OXSR1: variants seen among roughly 807,000 people sequenced by gnomAD.
The protein encoded by OXSR1 is oxidative stress responsive kinase 1, also known as serine/threonine-protein kinase OSR1.
Under a neutral mutation model 79.8 loss-of-function variants are expected in OXSR1, and 24 were observed. That is an observed-to-expected ratio of 0.30 (90% CI 0.22 to 0.42). The LOEUF (loss-of-function observed/expected upper bound fraction) is 0.42. Among genes scored for constraint, OXSR1 ranks in the 10% least tolerant of loss-of-function variants. The pLI, the probability that OXSR1 is intolerant of heterozygous loss-of-function variation, is 1.00. For synonymous variants in OXSR1, 226 were observed against 209.2 expected (o/e 1.08, Z -0.69); for missense variants, 430 against 618.4 (o/e 0.70, Z 3.23).
At chr3:38,234,314 A>G (rs555975300) in intron 10 of OXSR1, among the ~76,000 whole-genome samples, 4 of 152,340 alleles carry the variant, frequency 2.6e-5, no homozygotes, top group Admixed American at 6.5e-5. Context: ...TGAAAAGACA[A>G]CCTACAGAAT....
At chr3:38,186,380 A>G (rs897737027) in intron 2 of OXSR1, among the ~76,000 whole-genome samples, 2 of 152,270 alleles carry the variant, frequency 1.3e-5, no homozygotes, top group Non-Finnish European at 2.9e-5. Flanking sequence ...ATATAATGCT[A>G]TGGTTTTTAG....
At chr3:38,205,558 G>A (rs895114216) in intron 4 of OXSR1, among the ~76,000 whole-genome samples, 1 of 152,236 alleles carries the variant, frequency 6.6e-6, no homozygotes, top group Middle Eastern at 3.4e-3. Flanking sequence ...GAATATGTTC[G>A]TCTCTATCTA....
chr3:38,193,555 T>C, intron 3 of OXSR1: 1 of 444,326 alleles, frequency 2.3e-6, no homozygotes, highest in Non-Finnish European at 4.1e-6. Context: ...GTCTGCTTAA[T>C]TCTCTCGTCC....
At chr3:38,230,572 TC>T in intron 10 of OXSR1, 142 bp downstream of exon 10, 2 of 622,252 alleles carry the variant, frequency 3.2e-6, no homozygotes, top group Non-Finnish European at 5.8e-6. Context: ...TTTGATACAT[TC>T]ATTCAGCAAA....
At chr3:38,220,162 G>A (rs2125834933) in intron 5 of OXSR1, among the ~76,000 whole-genome samples, 1 of 151,788 alleles carries the variant, frequency 6.6e-6, no homozygotes, top group East Asian at 1.9e-4. Context: ...CAAGATTATT[G>A]TTTTTAAAAC....
At chr3:38,251,951 G>A (rs1703267148) in intron 16 of OXSR1, among the ~76,000 whole-genome samples, 1 of 152,202 alleles carries the variant, frequency 6.6e-6, no homozygotes, top group Non-Finnish European at 1.5e-5. Context: ...AGGCCTTGCG[G>A]GCCATGTACA....
intron 3 of OXSR1, among the ~76,000 whole-genome samples, chr3:38,191,907 T>C (rs1297749744): frequency 6.6e-6 from 1 of 152,228 alleles, no homozygotes; most frequent in Admixed American, 6.5e-5. Context: ...ATTTATAAAC[T>C]GACATCCTTC....
intron 4 of OXSR1, among the ~76,000 whole-genome samples, chr3:38,207,915 C>T (rs1490131674): frequency 1.8e-5 from 2 of 111,026 alleles, no homozygotes; most frequent in Non-Finnish European, 3.6e-5. Context: ...CCTCCCCCTC[C>T]CCTCCCCTCC....
Position 38,221,528 on chromosome 3 carries a change from T to G in OXSR1, c.491-50T>G, listed in dbSNP as rs112532108. The G allele has an allele frequency of 1.5e-5, 14 of 949,306 alleles. No individual in the cohort carries two copies. In the African/African-American group the frequency reaches 2.1e-4, roughly 14 times the overall value. The allele number at this position is 949,306 out of a possible 1,614,324, so 58.8% of individuals were successfully genotyped here. A position where few individuals can be genotyped will look rare whatever the true frequency, so the allele number is the denominator to read the frequency against. On this transcript the variant is annotated intron_variant, in intron 5 of 17. Coordinates refer to ENST00000311806, the MANE Select transcript of OXSR1 (RefSeq NM_005109.3). Reference sequence around the variant, plus strand: ...TACATTGTATTGTTTTCCTATTCATTTATGATAGTTGATGCACTTTAAATA... The same window carrying G: ...TACATTGTATTGTTTTCCTATTCATGTATGATAGTTGATGCACTTTAAATA...
chr3:38,202,381 A>G (rs1702180877), intron 4 of OXSR1, among the ~76,000 whole-genome samples: 1 of 152,150 alleles, frequency 6.6e-6, no homozygotes, highest in African/African-American at 2.4e-5. Context: ...TTGAAGGGAA[A>G]TGACTTTTTT....
chr3:38,251,585 C>A, intron 16 of OXSR1, 114 bp downstream of exon 16: 1 of 783,078 alleles, frequency 1.3e-6, no homozygotes. Flanking sequence ...TGAAATGGTT[C>A]TTGGCTTTCC....
intron 1 of OXSR1, among the ~76,000 whole-genome samples, chr3:38,171,889 T>A (rs1335474997): frequency 1.3e-5 from 2 of 152,240 alleles, no homozygotes; most frequent in Admixed American, 1.3e-4. Context: ...GCTTTGGGGT[T>A]AGACTGACCC....
At chr3:38,184,867 G>T (rs1435477492) in intron 2 of OXSR1, among the ~76,000 whole-genome samples, 1 of 90,192 alleles carries the variant, frequency 1.1e-5, no homozygotes, top group Non-Finnish European at 2.2e-5. Flanking sequence ...CTAACAAAAT[G>T]ATTATAATCT....
intron 3 of OXSR1, among the ~76,000 whole-genome samples, chr3:38,192,214 T>TC (rs1290649465): frequency 1.3e-5 from 2 of 152,200 alleles, no homozygotes; most frequent in Non-Finnish European, 2.9e-5. Context: ...CCAAAATTTG[T>TC]CAGGGGGAGC....
intron 6 of OXSR1, among the ~76,000 whole-genome samples, chr3:38,222,290 T>C (rs1304405208): frequency 6.6e-6 from 1 of 152,184 alleles, no homozygotes; most frequent in South Asian, 2.1e-4. Flanking sequence ...AGAGTTGCAC[T>C]GAGTAACAGA....
intron 10 of OXSR1, among the ~76,000 whole-genome samples, chr3:38,234,708 C>T (rs1023829261): frequency 6.6e-6 from 1 of 152,222 alleles, no homozygotes; most frequent in East Asian, 1.9e-4. Flanking sequence ...TAAACAAAGT[C>T]ACCAGGTGAC....
chr3:38,201,427 C>T (rs1377453379), intron 4 of OXSR1, among the ~76,000 whole-genome samples: 1 of 151,036 alleles, frequency 6.6e-6, no homozygotes, highest in African/African-American at 2.4e-5. Flanking sequence ...TATCCAGATA[C>T]GGGCCAGGCA....
intron 1 of OXSR1, 61 bp downstream of exon 1, chr3:38,166,007 G>A (rs1701444846): frequency 1.4e-6 from 2 of 1,474,784 alleles, no homozygotes; most frequent in African/African-American, 1.4e-5. Flanking sequence ...ACACGGGAAC[G>A]TGGGGAGCCG....
intron 12 of OXSR1, among the ~76,000 whole-genome samples, chr3:38,244,666 T>TGTGTGTGTGTGTGCGCGCGC (rs748851263): frequency 6.3e-5 from 9 of 143,956 alleles, no homozygotes; most frequent in Non-Finnish European, 1.1e-4. Flanking sequence ...TGTGTGTGTG[T>TGTGTGTGTGTGTGCGCGCGC]GCGTGCGCAT....
Sources: gnomAD v4.1 joint callset for allele counts (sites outside exome capture counted in the v4.1 genomes callset) on GRCh38, gnomAD v4.1.1 for gene constraint, MANE v1.5 for transcripts, NCBI Gene and HGNC (gene_info 2026-07-23, HGNC 2026-07-21) for gene names.